HAPSTR1: variants seen among roughly 807,000 people sequenced by gnomAD.
HAPSTR1 encodes HUWE1-associated protein modifying stress responses 1.
the HAPSTR1 span, among the ~76,000 whole-genome samples, chr16:9,093,262 G>T: frequency 6.6e-6 from 1 of 152,158 alleles, no homozygotes; most frequent in Admixed American, 6.5e-5. Flanking sequence ...TGGGCACCCA[G>T]TGTATAGAGG....
At chr16:9,097,240 C>CT in the HAPSTR1 span, among the ~76,000 whole-genome samples, 93,232 of 140,714 alleles carry the variant, frequency 0.66, 31,852 homozygotes, top group African/African-American at 0.86. Context: ...GCGCCTGGCT[C>CT]TTTTTTTTTT....
At chr16:9,098,264 C>T in the HAPSTR1 span, among the ~76,000 whole-genome samples, 2 of 152,088 alleles carry the variant, frequency 1.3e-5, no homozygotes, top group East Asian at 1.9e-4. Flanking sequence ...ACCTGGGAGG[C>T]GGAGGTTGTG....
chr16:9,108,286 C>G, the HAPSTR1 span: 1 of 152,094 alleles, frequency 6.6e-6, no homozygotes, highest in African/African-American at 2.4e-5. Context: ...ATACTCCAGT[C>G]CTGTCTCCAA....
the HAPSTR1 span, among the ~76,000 whole-genome samples, chr16:9,116,491 T>C: frequency 6.6e-6 from 1 of 152,314 alleles, no homozygotes; most frequent in Admixed American, 6.5e-5. Context: ...CAATAAAATA[T>C]ATGTCAAGGC....
At chr16:9,095,867 G>T in the HAPSTR1 span, among the ~76,000 whole-genome samples, 2 of 148,618 alleles carry the variant, frequency 1.3e-5, no homozygotes. Context: ...AAAAAAGGAA[G>T]GAAGCCAAAA....
the HAPSTR1 span, among the ~76,000 whole-genome samples, chr16:9,100,045 C>G: frequency 6.6e-6 from 1 of 152,174 alleles, no homozygotes; most frequent in South Asian, 2.1e-4. Context: ...TACATTATGC[C>G]CCGGTGGAGC....
chr16:9,094,737 T>C, the HAPSTR1 span, among the ~76,000 whole-genome samples: 2 of 152,160 alleles, frequency 1.3e-5, no homozygotes, highest in African/African-American at 2.4e-5. Context: ...AGTACCATGG[T>C]TTATTCTTTT....
the HAPSTR1 span, chr16:9,116,755 G>A: frequency 3.7e-6 from 6 of 1,614,150 alleles, no homozygotes; most frequent in Non-Finnish European, 4.2e-6. Context: ...AATGCTAGTC[G>A]AAGGAGAAAT....
At chr16:9,095,866 A>T in the HAPSTR1 span, among the ~76,000 whole-genome samples, 2 of 148,656 alleles carry the variant, frequency 1.3e-5, no homozygotes, top group Non-Finnish European at 3.0e-5. Flanking sequence ...CAAAAAAGGA[A>T]GGAAGCCAAA....
the HAPSTR1 span, chr16:9,093,138 CG>C: frequency 4.5e-6 from 4 of 882,122 alleles, no homozygotes; most frequent in Non-Finnish European, 7.0e-6. Context: ...AGAATCGCGG[CG>C]GTGCTCTAGC....
the HAPSTR1 span, chr16:9,104,465 C>G: frequency 6.6e-6 from 1 of 152,158 alleles, no homozygotes; most frequent in South Asian, 2.1e-4. Context: ...ACAAAGTAAC[C>G]TGGTAAGGTA....
the HAPSTR1 span, chr16:9,106,765 T>G: frequency 2.3e-3 from 350 of 152,294 alleles, 1 homozygote; most frequent in African/African-American, 7.7e-3. Context: ...ATGTGCTAAA[T>G]TGATTTCTGT....
At chr16:9,113,569 G>A in the HAPSTR1 span, among the ~76,000 whole-genome samples, 1 of 152,048 alleles carries the variant, frequency 6.6e-6, no homozygotes, top group African/African-American at 2.4e-5. Flanking sequence ...CATTAGGGTG[G>A]GGTTTGTTGA....
At chr16:9,095,029 AAACTT>A in the HAPSTR1 span, among the ~76,000 whole-genome samples, 2 of 152,236 alleles carry the variant, frequency 1.3e-5, no homozygotes, top group Non-Finnish European at 1.5e-5. Context: ...CCTGCTCAGA[AAACTT>A]AAGGAGGAAC....
chr16:9,119,513 C>CATCCTTAG, the HAPSTR1 span: 2 of 152,206 alleles, frequency 1.3e-5, no homozygotes, highest in Non-Finnish European at 2.9e-5. Context: ...AGTTGAAGTT[C>CATCCTTAG]ATCCTTAGAC....
chr16:9,118,918 A>C, the HAPSTR1 span: 1 of 152,594 alleles, frequency 6.6e-6, no homozygotes, highest in Non-Finnish European at 1.5e-5. Context: ...TGTTTTGTTT[A>C]AGTTGGTGCT....
the HAPSTR1 span, among the ~76,000 whole-genome samples, chr16:9,116,189 A>G: frequency 1.3e-5 from 2 of 152,166 alleles, no homozygotes; most frequent in Non-Finnish European, 2.9e-5. Flanking sequence ...CCTTATCTAG[A>G]GGGGATGTTG....
At chr16:9,097,323 A>G in the HAPSTR1 span, among the ~76,000 whole-genome samples, 1 of 149,962 alleles carries the variant, frequency 6.7e-6, no homozygotes, top group Non-Finnish European at 1.5e-5. Flanking sequence ...GCTCACTGTA[A>G]CCTCCACCTT....
At chr16:9,098,121 G>A in the HAPSTR1 span, among the ~76,000 whole-genome samples, 1 of 152,106 alleles carries the variant, frequency 6.6e-6, no homozygotes, top group African/African-American at 2.4e-5. Flanking sequence ...ATTTGAGGTC[G>A]GGAGTTTGAG....
Sources: allele counts gnomAD v4.1 joint callset (sites outside exome capture counted in the v4.1 genomes callset), GRCh38; gene constraint gnomAD v4.1.1; transcripts MANE v1.5; gene names NCBI Gene and HGNC (gene_info 2026-07-23, HGNC 2026-07-21).